Variants in UBE2V2 observed in about 807,000 individuals in gnomAD.
The protein encoded by UBE2V2 is ubiquitin conjugating enzyme E2 V2, also known as ubiquitin-conjugating enzyme E2 variant 2.
A neutral mutation model predicts 17.2 loss-of-function variants in UBE2V2; 9 were observed. That is an observed-to-expected ratio of 0.52 (90% CI 0.32 to 0.91). UBE2V2 has a LOEUF of 0.91. UBE2V2 is among the 40% of genes least tolerant of loss of function. The pLI is 0.04. For missense variants in UBE2V2, 133 were observed against 182.6 expected (o/e 0.73, Z 1.56); for synonymous variants, 61 against 57.5 (o/e 1.06, Z -0.28).
chr8:48,032,273 T>TA (rs893325192), intron 1 of UBE2V2, among the ~76,000 whole-genome samples: 1 of 152,208 alleles, frequency 6.6e-6, no homozygotes, highest in Non-Finnish European at 1.5e-5. Context: ...TTTAATCTCA[T>TA]ACAATTTTTT....
At chr8:48,051,301 C>T (rs2091535332) in intron 3 of UBE2V2, among the ~76,000 whole-genome samples, 1 of 152,142 alleles carries the variant, frequency 6.6e-6, no homozygotes, top group Non-Finnish European at 1.5e-5. Context: ...ACGCCACATA[C>T]AAAATACATT....
At chr8:48,027,542 C>T (rs2091353920) in intron 1 of UBE2V2, among the ~76,000 whole-genome samples, 1 of 152,054 alleles carries the variant, frequency 6.6e-6, no homozygotes, top group South Asian at 2.1e-4. Flanking sequence ...TTCTGTTGTC[C>T]AGGCTGGAAT....
chr8:48,000,765 T>C, the UBE2V2 span, among the ~76,000 whole-genome samples: 1 of 133,084 alleles, frequency 7.5e-6, no homozygotes, highest in East Asian at 2.2e-4. Context: ...GAGCCTGCAG[T>C]GAGTGGAGAT....
At chr8:48,051,293 G>A (rs45525841) in intron 3 of UBE2V2, among the ~76,000 whole-genome samples, 2,169 of 152,174 alleles carry the variant, frequency 0.014, 43 homozygotes, top group African/African-American at 0.042. Context: ...TTGAGAGCAC[G>A]CCACATACAA....
intron 1 of UBE2V2, among the ~76,000 whole-genome samples, chr8:48,028,219 G>A (rs1226975870): frequency 6.6e-6 from 1 of 151,930 alleles, no homozygotes; most frequent in African/African-American, 2.4e-5. Context: ...CCAGGCCGGA[G>A]TGCAGTGTCA....
chr8:48,055,184 T>C (rs1463091482), intron 3 of UBE2V2, among the ~76,000 whole-genome samples: 1 of 151,098 alleles, frequency 6.6e-6, no homozygotes, highest in Non-Finnish European at 1.5e-5. Flanking sequence ...CTTACTCTTT[T>C]AGTTAGTTTC....
At chr8:48,045,046 C>G (rs902625197) in intron 2 of UBE2V2, among the ~76,000 whole-genome samples, 68 of 152,126 alleles carry the variant, frequency 4.5e-4, no homozygotes, top group African/African-American at 1.6e-3. Context: ...TCAGGAAACT[C>G]TATCCACTGG....
At chr8:48,043,329 G>A (rs944764849) in intron 2 of UBE2V2, 148 bp downstream of exon 2, 9 of 627,086 alleles carry the variant, frequency 1.4e-5, no homozygotes, top group Non-Finnish European at 2.1e-5. Flanking sequence ...TGCTTCCCAC[G>A]TGCAGGATAT....
chr8:48,008,485 C>T lies in UBE2V2; in HGVS notation c.16+15C>T, dbSNP rs1433227482. The T allele has an allele frequency of 6.4e-7, 1 of 1,566,794 alleles. No individual in the cohort carries two copies. The highest frequency in any genetic ancestry group is 1.9e-5 in the Admixed American group (1 of 54,026). ...GGTCTCCACAGGTCGGTTCCCGGGC[C>T]GGGCTGCGTGATTTTCCGCTCCGAC... On this transcript the variant is annotated intron_variant, in intron 1 of 3. Transcript: ENST00000523111.
At chr8:47,998,674 G>A in the UBE2V2 span, among the ~76,000 whole-genome samples, 7 of 151,718 alleles carry the variant, frequency 4.6e-5, no homozygotes, top group Non-Finnish European at 8.8e-5. Flanking sequence ...AGGGGAGGGA[G>A]GGGGAGAGAG....
chr8:48,054,205 CA>C (rs1178685391), intron 3 of UBE2V2, among the ~76,000 whole-genome samples: 2 of 152,180 alleles, frequency 1.3e-5, no homozygotes, highest in Non-Finnish European at 2.9e-5. Context: ...TGTCAAGGAG[CA>C]ATAGAATTCA....
intron 1 of UBE2V2, among the ~76,000 whole-genome samples, chr8:48,013,948 A>T (rs943362771): frequency 1.3e-5 from 2 of 152,220 alleles, no homozygotes; most frequent in Admixed American, 6.5e-5. Context: ...AGATTGGACA[A>T]CATCATCTTG....
At chr8:48,037,266 A>G (rs2091430974) in intron 1 of UBE2V2, among the ~76,000 whole-genome samples, 2 of 152,256 alleles carry the variant, frequency 1.3e-5, no homozygotes, top group Non-Finnish European at 1.5e-5. Context: ...GAATCAGTCT[A>G]TGAAAGGATA....
At chr8:48,021,120 C>T (rs1187203984) in intron 1 of UBE2V2, among the ~76,000 whole-genome samples, 10 of 150,288 alleles carry the variant, frequency 6.7e-5, no homozygotes, top group African/African-American at 2.4e-4. Context: ...TCTTGTTTCC[C>T]AGGCTGGAGT....
intron 3 of UBE2V2, 89 bp downstream of exon 3, chr8:48,050,067 T>C (rs1266238695): frequency 2.1e-6 from 2 of 971,188 alleles, no homozygotes; most frequent in Non-Finnish European, 2.8e-6. Flanking sequence ...ATGTAAGATA[T>C]TAATATGTAG....
Position 48,049,873 on chromosome 8 carries a change from A to G in UBE2V2, c.186A>G (p.Ile62Met). 6.3e-7 allele frequency: 1 copy of G among 1,592,008 alleles called. No individual in the cohort carries two copies. The highest frequency in any genetic ancestry group is 8.5e-7 in the Non-Finnish European group (1 of 1,172,892). ...GPPRTNYENRIYSLKVECGPK... is the reference protein window; with the variant it reads ...GPPRTNYENRMYSLKVECGPK... Reference sequence around the variant, plus strand: ...TCCAGACAAATTATGAAAACAGAATATATAGCCTGAAAGTAGAATGTGGAC... The same window carrying G: ...TCCAGACAAATTATGAAAACAGAATGTATAGCCTGAAAGTAGAATGTGGAC... The change falls in exon 3 of 4, where the codon ATA becomes ATG. Residue 62 changes from isoleucine to methionine, a missense_variant. Ile to Met is a conservative substitution (Grantham distance 10). This residue lies in a region of UBE2V2 where 92 missense variants were observed against 124.3 expected (regional missense o/e 0.74). Coordinates refer to ENST00000523111, the MANE Select transcript of UBE2V2 (RefSeq NM_003350.3).
At chr8:48,004,538 G>GT (rs1176583547), upstream of UBE2V2, among the ~76,000 whole-genome samples, 415 of 122,488 alleles carry the variant, frequency 3.4e-3, 2 homozygotes, top group South Asian at 0.014. Flanking sequence ...TTGTTTTTTT[G>GT]TTTTTTTTTT....
intron 1 of UBE2V2, among the ~76,000 whole-genome samples, chr8:48,023,463 G>A (rs2091319069): frequency 6.6e-6 from 1 of 151,948 alleles, no homozygotes; most frequent in Admixed American, 6.6e-5. Flanking sequence ...TGATCCACCT[G>A]CCTCGGCCTC....
At chr8:48,009,470 T>A (rs1301977702) in intron 1 of UBE2V2, among the ~76,000 whole-genome samples, 1 of 152,174 alleles carries the variant, frequency 6.6e-6, no homozygotes, top group Non-Finnish European at 1.5e-5. Context: ...TTTGTCATGT[T>A]GGCCAGACTG....
Sources: gnomAD v4.1 joint callset for allele counts (sites outside exome capture counted in the v4.1 genomes callset) on GRCh38, gnomAD v4.1.1 for gene constraint, gnomAD v4.1.1 regional missense constraint, MANE v1.5 for transcripts, NCBI Gene and HGNC (gene_info 2026-07-23, HGNC 2026-07-21) for gene names.